Variants in EXOSC10 observed in about 807,000 individuals in gnomAD.
EXOSC10 encodes exosome component 10, also known as exosome complex component 10.
In EXOSC10, 94 loss-of-function variants were observed where a neutral mutation model predicts 126.6. The observed-to-expected ratio is 0.74, with a 90% CI of 0.63 to 0.88. The LOEUF (loss-of-function observed/expected upper bound fraction) is 0.88, where lower values mean the gene tolerates loss of function less well. Ranked by LOEUF, EXOSC10 falls within the 40% of genes least tolerant of loss-of-function variation. The probability of loss-of-function intolerance (pLI) is 0.00; values close to 1 mark genes in which losing one functional copy is unlikely to be tolerated. For synonymous variants in EXOSC10, 395 were observed against 400.8 expected (o/e 0.99, Z 0.17); for missense variants, 1,041 against 1,100.5 (o/e 0.95, Z 0.77).
At position 11,077,629 on chromosome 1, in the gene EXOSC10, T is replaced by A. The variant is rs767687056; in HGVS notation, c.1772A>T (p.Lys591Met). The A allele has an allele frequency of 3.1e-6, 5 of 1,611,530 alleles. No individual in the cohort carries two copies. The highest frequency in any genetic ancestry group is 4.2e-6 in the Non-Finnish European group (5 of 1,177,950). ...AGCACTGGGCAGCGGTCCGCTCTTC[T>A]TCACTCCGGCTGCAACTTCAGACTA... ...LLKSEVAAGVKKSGPLPSAER... is the reference protein window; with the variant it reads ...LLKSEVAAGVMKSGPLPSAER... Residue 591 changes from lysine (K) to methionine (M), a missense_variant, in exon 15 of 25, where the codon AAG becomes ATG. Around this residue, in one of 3 missense-constraint regions of EXOSC10, gnomAD observed 388 missense variants for 415.2 expected, o/e 0.93. Coordinates refer to ENST00000376936, the MANE Select transcript of EXOSC10 (RefSeq NM_001001998.3).
At chr1:11,077,273 A>G (rs1005370393) in intron 16 of EXOSC10, 92 bp downstream of exon 16, 75 of 1,340,006 alleles carry the variant, frequency 5.6e-5, no homozygotes, top group Admixed American at 3.8e-5. Flanking sequence ...TTACAGGCAT[A>G]AGCCACCACG....
chr1:11,087,152 G>T lies in EXOSC10; in HGVS notation c.1089+296C>A, dbSNP rs544097890. Reference sequence around the variant, plus strand: ...ACTGTTATCAACCAATGAGACACATGAAAGCAGCTCTAGTAGCTTCAGTAC... The same window carrying T: ...ACTGTTATCAACCAATGAGACACATTAAAGCAGCTCTAGTAGCTTCAGTAC... On this transcript the variant is annotated intron_variant, in intron 9 of 24. Coordinates refer to ENST00000376936, the MANE Select transcript of EXOSC10 (RefSeq NM_001001998.3). Among the ~76,000 whole-genome samples, 63 of 152,306 alleles carry T rather than the reference G, an allele frequency of 4.1e-4. 1 individual carries two copies. Among genetic ancestry groups the T allele is most frequent in the African/African-American group, 1.4e-3 (57 of 41,566 alleles).
chr1:11,087,540 TAG>T lies in EXOSC10; in HGVS notation c.995_996del (p.Ser332TyrfsTer9). The T allele has an allele frequency of 6.2e-7, 1 of 1,613,960 alleles. No homozygotes were observed. The highest frequency in any genetic ancestry group is 8.5e-7 in the Non-Finnish European group (1 of 1,180,002). ...FLGLTCLMQI[S>X]TRTEDFIIDT... ...TCAATGATGAAGTCTTCCGTCCGAG[TAG>T]AAATTTGCATCAGGCAGGTCAGTCC... is the stretch of plus-strand genomic sequence containing the variant. On this transcript the variant is annotated frameshift_variant, in exon 9 of 25. Coordinates refer to ENST00000376936, the MANE Select transcript of EXOSC10 (RefSeq NM_001001998.3). LOFTEE classifies it high-confidence loss of function.
chr1:11,082,484 A>G, intron 10 of EXOSC10: 2 of 1,290,694 alleles, frequency 1.5e-6, no homozygotes, highest in Non-Finnish European at 2.1e-6. Flanking sequence ...ACACAGTGTA[A>G]CTGCATCAGC....
Position 11,069,592 on chromosome 1 carries a change from C to G in EXOSC10, c.2455G>C (p.Asp819His), listed in dbSNP as rs150363329. 6.2e-7 allele frequency: 1 copy of G among 1,613,908 alleles called. No homozygotes were observed. The highest frequency in any genetic ancestry group is 8.5e-7 in the Non-Finnish European group (1 of 1,180,006). The change falls in exon 22 of 25, where the codon GAC (aspartate) becomes CAC (histidine). Residue 819 changes from aspartate (D) to histidine (H), a missense_variant. Transcript: ENST00000376936. ...GCCTTGAAGTCTGACTGGCTGTAGT[C>G]GTAAGGCGTAAACTCTTTTTCTGGT... ...EPPEKEFTPYDYSQSDFKAFA... is the reference protein window; with the variant it reads ...EPPEKEFTPYHYSQSDFKAFA...
Position 11,073,877 on chromosome 1 carries a change from CAAAAA to C in EXOSC10, c.2157+52_2157+56del, listed in dbSNP as rs770965502. 4.8e-4 allele frequency: 259 copies of C among 538,108 alleles called. 2 individuals are homozygous for C. Among genetic ancestry groups the C allele is most frequent in the Admixed American group, 1.8e-3 (37 of 20,460 alleles). The allele number at this position is 538,108 out of a possible 1,614,324, so 33.3% of individuals were successfully genotyped here. A position where few individuals can be genotyped will look rare whatever the true frequency, so the allele number is the denominator to read the frequency against. On this transcript the variant is annotated intron_variant, in intron 19 of 24. Transcript: ENST00000376936. ...TGGGTGACAAAGCGAGACTCCATCT[CAAAAA>C]AAAAAAAAAAAAAAAAAAGTCTCTT... is the stretch of plus-strand genomic sequence containing the variant.
At chr1:11,070,859 C>A in intron 21 of EXOSC10, 41 bp downstream of exon 21, 2 of 1,550,712 alleles carry the variant, frequency 1.3e-6, no homozygotes, top group East Asian at 2.2e-5. Flanking sequence ...CAAGCAGGGG[C>A]ATCGTTTTTC....
chr1:11,095,683 C>T, intron 3 of EXOSC10, 75 bp downstream of exon 3: 5 of 1,424,166 alleles, frequency 3.5e-6, no homozygotes, highest in South Asian at 1.2e-5. Context: ...CACTGCACTC[C>T]AGCCTGGGCG....
intron 17 of EXOSC10, among the ~76,000 whole-genome samples, chr1:11,076,467 C>A (rs1462915464): frequency 6.6e-6 from 1 of 152,232 alleles, no homozygotes; most frequent in Non-Finnish European, 1.5e-5. Context: ...CCATGCCACC[C>A]CTGCTGGGCA....
chr1:11,068,295 C>T (rs747682686), intron 23 of EXOSC10, among the ~76,000 whole-genome samples: 3 of 152,202 alleles, frequency 2.0e-5, no homozygotes, highest in Non-Finnish European at 4.4e-5. Context: ...CCTGCCCCCG[C>T]GCCTGTGGAA....
Position 11,068,566 on chromosome 1 carries a change from G to A in EXOSC10, c.2550+79C>T, listed in dbSNP as rs555042004. ...TATGCAAAGGAATGGACTCCTGGAT[G>A]GGCCTGTCTTCTCAGCAGAGGAGGA... On this transcript the variant is annotated intron_variant, in intron 23 of 24. Coordinates refer to ENST00000376936, the MANE Select transcript of EXOSC10 (RefSeq NM_001001998.3). 6 of 1,046,296 alleles carry A rather than the reference G, an allele frequency of 5.7e-6. No homozygotes were observed. The East Asian group carries it at 1.2e-4, about 21-fold the overall frequency. The allele number at this position is 1,046,296 out of a possible 1,614,324, so 64.8% of individuals were successfully genotyped here.
chr1:11,091,645 G>C (rs1487265463), intron 3 of EXOSC10, 48 bp from the exon 4 acceptor site: 6 of 1,431,726 alleles, frequency 4.2e-6, no homozygotes, highest in Non-Finnish European at 5.9e-6. Flanking sequence ...TTTGAGGTTA[G>C]CAGAGTTAAC....
In EXOSC10 at chr1:11,074,005, G is replaced by T. The variant is rs768443779; in HGVS notation, c.2086C>A (p.Leu696Met). 6.2e-7 allele frequency: 1 copy of T among 1,613,950 alleles called. No homozygotes were observed. Among genetic ancestry groups the T allele is most frequent in the South Asian group, 1.1e-5 (1 of 91,078 alleles). Residue 696 changes from leucine (L) to methionine (M), a missense_variant, in exon 19 of 25, where the codon CTG (leucine) becomes ATG (methionine). Physicochemically the swap from Leu to Met is conservative, Grantham distance 15 (BLOSUM62 2). Transcript: ENST00000376936. ...ESFENPFRMF[L>M]PSLGHRAPVS... ...GGAGCACGGTGTCCCAGTGAGGGCA[G>T]AAACTGGAGGAAGGAAATGGCTGTG... is the stretch of plus-strand genomic sequence containing the variant.
intron 16 of EXOSC10, 173 bp downstream of exon 16, chr1:11,077,192 T>C: frequency 1.5e-6 from 1 of 676,802 alleles, no homozygotes; most frequent in Non-Finnish European, 2.5e-6. Flanking sequence ...GGTTTCACCA[T>C]GTTGGCCAGG....
At chr1:11,069,828 T>A in intron 21 of EXOSC10, 98 bp from the exon 22 acceptor site, 1 of 1,309,334 alleles carries the variant, frequency 7.6e-7, no homozygotes, top group Non-Finnish European at 1.1e-6. Flanking sequence ...GCTGCCTAAG[T>A]GGTAAGAAGA....
At chr1:11,083,470 G>A (rs1640290532) in intron 9 of EXOSC10, among the ~76,000 whole-genome samples, 1 of 150,220 alleles carries the variant, frequency 6.7e-6, no homozygotes, top group Non-Finnish European at 1.5e-5. Context: ...GCCGAGGCAG[G>A]AGAATTGCTT....
chr1:11,090,778 G>T, intron 5 of EXOSC10, 110 bp from the exon 6 acceptor site: 1 of 853,246 alleles, frequency 1.2e-6, no homozygotes, highest in Non-Finnish European at 1.8e-6. Context: ...TTGAGACAGG[G>T]TCATGTTCTG....
intron 9 of EXOSC10, among the ~76,000 whole-genome samples, chr1:11,083,972 G>A (rs1640343342): frequency 6.6e-6 from 1 of 152,056 alleles, no homozygotes; most frequent in Non-Finnish European, 1.5e-5. Flanking sequence ...CTTTTTTATG[G>A]CTGCGTAGTA....
intron 20 of EXOSC10, 36 bp downstream of exon 20, chr1:11,072,051 T>C: frequency 6.4e-7 from 1 of 1,562,084 alleles, no homozygotes; most frequent in East Asian, 2.2e-5. Flanking sequence ...AGCCATTCTT[T>C]AACAGCCGAC....
Sources: allele counts gnomAD v4.1 joint callset (sites outside exome capture counted in the v4.1 genomes callset), GRCh38; gene constraint gnomAD v4.1.1; regional missense constraint gnomAD v4.1.1; transcripts MANE v1.5; gene names NCBI Gene and HGNC (gene_info 2026-07-23, HGNC 2026-07-21).